Variants in TUBGCP5 observed in about 807,000 individuals in gnomAD.
TUBGCP5 encodes gamma-tubulin complex component 5.
TUBGCP5 carries 98 observed loss-of-function variants against 134.7 expected under a neutral mutation model. That is an observed-to-expected ratio of 0.73 (90% CI 0.62 to 0.86). The LOEUF (loss-of-function observed/expected upper bound fraction) is 0.86. Among genes scored for constraint, TUBGCP5 ranks in the 40% least tolerant of loss-of-function variants. The pLI is 0.00. For missense variants in TUBGCP5, 1,150 were observed against 1,244.8 expected (o/e 0.92, Z 1.15); for synonymous variants, 456 against 431.4 (o/e 1.06, Z -0.71).
intron 6 of TUBGCP5, among the ~76,000 whole-genome samples, chr15:23,028,847 A>G (rs2066131737): frequency 6.6e-6 from 1 of 152,190 alleles, no homozygotes; most frequent in South Asian, 2.1e-4. Flanking sequence ...AGGCATAAGA[A>G]CTAGCAGGAA....
At chr15:23,038,119 T>A (rs892029816) in intron 1 of TUBGCP5, among the ~76,000 whole-genome samples, 1 of 152,190 alleles carries the variant, frequency 6.6e-6, no homozygotes, top group African/African-American at 2.4e-5. Context: ...GTTTAAAGCA[T>A]CATAAAATTA....
At chr15:23,032,696 C>T in intron 4 of TUBGCP5, 32 bp downstream of exon 4, 1 of 1,417,982 alleles carries the variant, frequency 7.1e-7, no homozygotes, top group Non-Finnish European at 9.5e-7. Context: ...TTCTCTTTTA[C>T]TTCTCATATG....
intron 11 of TUBGCP5, among the ~76,000 whole-genome samples, chr15:23,020,856 A>C (rs956875363): frequency 2.0e-5 from 3 of 152,128 alleles, no homozygotes; most frequent in Non-Finnish European, 2.9e-5. Context: ...TTCCTGCCTT[A>C]GCCTCTCGAG....
At position 22,999,332 on chromosome 15, in the gene TUBGCP5, T is replaced by A. The variant is rs1197355570; in HGVS notation, c.*488A>T. The A allele has an allele frequency of 1.3e-5, 2 of 157,674 alleles. No homozygotes were observed. Among genetic ancestry groups the A allele is most frequent in the African/African-American group, 4.8e-5 (2 of 41,624 alleles). The allele number at this position is 157,674 out of a possible 1,614,324, so 9.8% of individuals were successfully genotyped here. A position where few individuals can be genotyped will look rare whatever the true frequency, so the allele number is the denominator to read the frequency against. On this transcript the variant is annotated 3_prime_UTR_variant, in exon 23 of 23. Coordinates refer to ENST00000615383, the MANE Select transcript of TUBGCP5 (RefSeq NM_052903.6). ...ACTTTGTACTACTGACACAATTTTA[T>A]GTATACAACTCTATACAGTATCTAC...
chr15:23,003,267 C>T, intron 20 of TUBGCP5, 114 bp from the exon 21 acceptor site: 2 of 945,324 alleles, frequency 2.1e-6, no homozygotes, highest in Non-Finnish European at 3.3e-6. Flanking sequence ...CAGTGACTGC[C>T]TTCTGTGTAT....
intron 21 of TUBGCP5, among the ~76,000 whole-genome samples, chr15:23,001,637 T>C (rs1436146805): frequency 6.6e-6 from 1 of 150,758 alleles, no homozygotes; most frequent in African/African-American, 2.5e-5. Context: ...GCCACTGTGC[T>C]CGGCTTTCTT....
chr15:22,995,406 G>T (rs1185946950), downstream of TUBGCP5, among the ~76,000 whole-genome samples: 2 of 151,786 alleles, frequency 1.3e-5, no homozygotes, highest in Non-Finnish European at 2.9e-5. Flanking sequence ...CCTTGTTCGT[G>T]GTCCCCCATA....
Position 23,010,123 on chromosome 15 carries a change from C to CCTT in TUBGCP5, c.1965_1966insAAG (p.Leu655_Glu656insLys). ...AACTTCTCGTGAAAGTCACTCTGCT[C>CCTT]CAAATACATCCTTCAAGATAAAAAT... is the stretch of plus-strand genomic sequence containing the variant. On this transcript the variant is annotated inframe_insertion, in exon 15 of 23. Transcript: ENST00000615383. The CCTT allele has an allele frequency of 1.2e-6, 2 of 1,611,902 alleles. No homozygotes were observed. Among genetic ancestry groups the CCTT allele is most frequent in the Non-Finnish European group, 1.7e-6 (2 of 1,178,382 alleles).
At chr15:22,994,156 T>C (rs2063961170) in intron 23 of TUBGCP5, among the ~76,000 whole-genome samples, 1 of 152,050 alleles carries the variant, frequency 6.6e-6, no homozygotes, top group African/African-American at 2.4e-5. Flanking sequence ...TGGTGCAGTC[T>C]CGGCTCACTG....
At chr15:22,995,584 A>AAC (rs1555432143), downstream of TUBGCP5, among the ~76,000 whole-genome samples, 131 of 151,832 alleles carry the variant, frequency 8.6e-4, no homozygotes, top group African/African-American at 3.1e-3. Context: ...CAAAAAAAAA[A>AAC]AAAAACAAAA....
intron 13 of TUBGCP5, among the ~76,000 whole-genome samples, chr15:23,012,033 A>G (rs2065062234): frequency 6.6e-6 from 1 of 150,778 alleles, no homozygotes; most frequent in Admixed American, 6.6e-5. Context: ...CTGCGTGAGC[A>G]CTGGCAGGTG....
In TUBGCP5 at chr15:22,999,791, G is replaced by A. The variant is rs1400084513; in HGVS notation, c.*29C>T. 1 of 1,608,520 alleles carries A rather than the reference G, an allele frequency of 6.2e-7. No individual in the cohort carries two copies. The highest frequency in any genetic ancestry group is 1.3e-5 in the African/African-American group (1 of 74,804). On this transcript the variant is annotated 3_prime_UTR_variant, in exon 23 of 23. Transcript: ENST00000615383. ...GGAAATGTACATGTATGATGACAAA[G>A]TCGGAGATATTTATTACGCTGAAGA...
intron 6 of TUBGCP5, among the ~76,000 whole-genome samples, chr15:23,030,648 A>G (rs1200875787): frequency 6.6e-6 from 1 of 151,296 alleles, no homozygotes; most frequent in Non-Finnish European, 1.5e-5. Flanking sequence ...GAAAGTTCTC[A>G]GAAGTATAGG....
At position 23,037,099 on chromosome 15, in the gene TUBGCP5, C is replaced by A; in HGVS notation, c.200G>T (p.Gly67Val). 6.2e-7 allele frequency: 1 copy of A among 1,613,570 alleles called. No homozygotes were observed. The highest frequency in any genetic ancestry group is 8.5e-7 in the Non-Finnish European group (1 of 1,179,848). The part of the protein sequence containing the change: ...NSHKIEKTIE[G>V]IYEKFVIHSD... ...TGCGTATATATACACACTGACTTAC[C>A]CTTCGATTGTTTTTTCTATTTTGTG... Residue 67 changes from glycine (G) to valine (V), a missense_variant and splice_region_variant, in exon 2 of 23, where the codon GGA (glycine) becomes GTA (valine). Physicochemically the swap from Gly to Val is moderately radical, Grantham distance 109 (BLOSUM62 -3). Coordinates refer to ENST00000615383, the MANE Select transcript of TUBGCP5 (RefSeq NM_052903.6).
At chr15:23,000,512 A>G (rs1226383718) in intron 22 of TUBGCP5, 57 bp downstream of exon 22, 1 of 1,593,502 alleles carries the variant, frequency 6.3e-7, no homozygotes, top group African/African-American at 1.4e-5. Context: ...ACAATGACAC[A>G]TACACTTAGT....
chr15:23,018,751 G>A (rs2065485610), intron 12 of TUBGCP5, among the ~76,000 whole-genome samples: 1 of 152,092 alleles, frequency 6.6e-6, no homozygotes, highest in Non-Finnish European at 1.5e-5. Flanking sequence ...AAGGGAAATT[G>A]TCATAAATGG....
At chr15:23,020,859 C>T (rs914603607) in intron 11 of TUBGCP5, among the ~76,000 whole-genome samples, 1 of 152,130 alleles carries the variant, frequency 6.6e-6, no homozygotes, top group African/African-American at 2.4e-5. Context: ...CTGCCTTAGC[C>T]TCTCGAGTAC....
At chr15:23,020,584 C>CAAAAAAAA (rs542905350) in intron 11 of TUBGCP5, among the ~76,000 whole-genome samples, 1,254 of 75,256 alleles carry the variant, frequency 0.017, no homozygotes, top group Non-Finnish European at 0.022. Flanking sequence ...GACTACGTCT[C>CAAAAAAAA]AAAAAAAAAA....
Position 23,005,533 on chromosome 15 carries a change from G to A in TUBGCP5, c.2611C>T (p.Pro871Ser). The change falls in exon 19 of 23, where the codon CCA becomes TCA. Residue 871 changes from proline (P) to serine (S), a missense_variant. Around this residue, in one of 2 missense-constraint regions of TUBGCP5, gnomAD observed 697 missense variants for 850.1 expected, o/e 0.82. Coordinates refer to ENST00000615383, the MANE Select transcript of TUBGCP5 (RefSeq NM_052903.6). ...TGCTGTCTTACTGGTTCTTTTTGTGGTCCGAACTGAGCAACTGTGTCTTGT... is the reference window on the plus strand; with the variant it reads ...TGCTGTCTTACTGGTTCTTTTTGTGATCCGAACTGAGCAACTGTGTCTTGT... ...HEQDTVAQFG[P>S]QKEPVRQQIH... is the part of the protein sequence containing the mutation. 2 of 1,614,160 alleles carry A rather than the reference G, an allele frequency of 1.2e-6. No homozygotes were observed. Among genetic ancestry groups the A allele is most frequent in the South Asian group, 1.1e-5 (1 of 91,086 alleles).
Sources: allele counts gnomAD v4.1 joint callset (sites outside exome capture counted in the v4.1 genomes callset), GRCh38; gene constraint gnomAD v4.1.1; regional missense constraint gnomAD v4.1.1; transcripts MANE v1.5; gene names NCBI Gene and HGNC (gene_info 2026-07-23, HGNC 2026-07-21).